Variants in PITPNC1 observed in about 807,000 individuals in gnomAD.
PITPNC1 encodes the protein cytoplasmic phosphatidylinositol transfer protein 1.
In PITPNC1, 18 loss-of-function variants were observed where a neutral mutation model predicts 44.7. The observed-to-expected ratio is 0.40, with a 90% CI of 0.28 to 0.60. The LOEUF is 0.60. Among genes scored for constraint, PITPNC1 ranks in the 20% least tolerant of loss-of-function variants. PITPNC1 has a pLI of 0.39. For synonymous variants in PITPNC1, 141 were observed against 149.6 expected (o/e 0.94, Z 0.42); for missense variants, 290 against 418.4 (o/e 0.69, Z 2.68).
At chr17:67,480,373 T>C (rs997252404) in intron 1 of PITPNC1, among the ~76,000 whole-genome samples, 1 of 152,202 alleles carries the variant, frequency 6.6e-6, no homozygotes, top group East Asian at 1.9e-4. Context: ...AAAAATAATT[T>C]GACAGATATG....
intron 4 of PITPNC1, among the ~76,000 whole-genome samples, chr17:67,572,468 C>CCG (rs1202687420): frequency 1.4e-4 from 7 of 48,918 alleles, no homozygotes; most frequent in Admixed American, 2.7e-4. Context: ...CTGGGTAAAG[C>CCG]GGGGGGGGGG....
At chr17:67,412,146 G>C (rs2038508652) in intron 1 of PITPNC1, among the ~76,000 whole-genome samples, 1 of 152,184 alleles carries the variant, frequency 6.6e-6, no homozygotes, top group South Asian at 2.1e-4. Context: ...ACATGGAAGT[G>C]CCTCACCCCT....
At chr17:67,497,485 A>G (rs929398075) in intron 1 of PITPNC1, among the ~76,000 whole-genome samples, 1 of 130,140 alleles carries the variant, frequency 7.7e-6, no homozygotes, top group Non-Finnish European at 1.6e-5. Context: ...TTTTTTTTCT[A>G]TTACAAGTAA....
intron 1 of PITPNC1, among the ~76,000 whole-genome samples, chr17:67,455,568 C>T (rs1394455255): frequency 2.0e-5 from 3 of 151,932 alleles, no homozygotes; most frequent in Non-Finnish European, 4.4e-5. Context: ...TACAGGTGCG[C>T]ACCACCATGC....
At chr17:67,622,273 AG>A (rs2041841614) in intron 5 of PITPNC1, among the ~76,000 whole-genome samples, 2 of 150,580 alleles carry the variant, frequency 1.3e-5, no homozygotes, top group Admixed American at 6.6e-5. Flanking sequence ...AAAAAAAAAA[AG>A]AAAAGATAGT....
At chr17:67,528,463 CA>C in intron 1 of PITPNC1, among the ~76,000 whole-genome samples, 1 of 152,344 alleles carries the variant, frequency 6.6e-6, no homozygotes, top group East Asian at 1.9e-4. Context: ...GATCAATTCT[CA>C]GGCTTTGGAG....
At chr17:67,386,058 A>T (rs766603562) in intron 1 of PITPNC1, among the ~76,000 whole-genome samples, 1 of 152,214 alleles carries the variant, frequency 6.6e-6, no homozygotes, top group Admixed American at 6.6e-5. Flanking sequence ...TTGAAAGTCA[A>T]TTTAGAAACC....
intron 1 of PITPNC1, among the ~76,000 whole-genome samples, chr17:67,531,613 C>T (rs1005415467): frequency 2.0e-5 from 3 of 152,222 alleles, no homozygotes. Context: ...ACTAACTGCA[C>T]TGTTGACTTG....
intron 1 of PITPNC1, among the ~76,000 whole-genome samples, chr17:67,444,288 G>A (rs948433600): frequency 3.3e-5 from 5 of 152,084 alleles, no homozygotes; most frequent in Non-Finnish European, 2.9e-5. Context: ...ACAATAGGCC[G>A]AGATCACGGG....
At chr17:67,430,230 G>C (rs149679184) in intron 1 of PITPNC1, among the ~76,000 whole-genome samples, 446 of 152,342 alleles carry the variant, frequency 2.9e-3, no homozygotes, top group African/African-American at 0.01. Flanking sequence ...ATGTTGGCTA[G>C]TGTGGTGGCT....
At position 67,597,331 on chromosome 17, in the gene PITPNC1, C is replaced by T. The variant is rs555833260; in HGVS notation, c.366+19074C>T. 6.6e-6 allele frequency among the ~76,000 whole-genome samples: 1 copy of T among 152,166 alleles called. No homozygotes were observed. The highest frequency in any genetic ancestry group is 6.5e-5 in the Admixed American group (1 of 15,280). ...CACTTTGGGAGGCCAAAGTGGGTAT[C>T]TTACTTGAAGTCAGGAATTCGAGAC... On this transcript the variant is annotated intron_variant, in intron 5 of 8. Coordinates refer to ENST00000581322, the MANE Select transcript of PITPNC1 (RefSeq NM_012417.4). The surrounding 1 kb of genome is among the most constrained non-coding windows in gnomAD (Gnocchi z 4.0).
intron 5 of PITPNC1, 36 bp from the exon 6 acceptor site, chr17:67,632,107 A>C (rs377580199): frequency 7.5e-7 from 1 of 1,340,950 alleles, no homozygotes; most frequent in Non-Finnish European, 1.1e-6. Context: ...AACACCTGCT[A>C]TCACTAACCT....
At chr17:67,652,712 T>A (rs2048077555) in intron 6 of PITPNC1, among the ~76,000 whole-genome samples, 1 of 152,182 alleles carries the variant, frequency 6.6e-6, no homozygotes, top group South Asian at 2.1e-4. Context: ...GCAGAGAAGT[T>A]CCACATCCCC....
intron 5 of PITPNC1, among the ~76,000 whole-genome samples, chr17:67,599,463 T>C (rs1209017127): frequency 6.6e-6 from 1 of 152,032 alleles, no homozygotes; most frequent in East Asian, 1.9e-4. Flanking sequence ...TGGGGGAATA[T>C]TGACGTTTAA....
intron 6 of PITPNC1, among the ~76,000 whole-genome samples, chr17:67,664,154 G>A (rs561646112): frequency 1.4e-4 from 21 of 152,030 alleles, no homozygotes; most frequent in Non-Finnish European, 2.9e-4. Flanking sequence ...TAGTAGAGAC[G>A]GGGTTTCACC....
chr17:67,673,808 G>A (rs951464452), intron 7 of PITPNC1, among the ~76,000 whole-genome samples: 16 of 151,426 alleles, frequency 1.1e-4, no homozygotes, highest in Non-Finnish European at 2.2e-4. Context: ...AAAATTAGCC[G>A]GGCATGGTGA....
chr17:67,627,202 G>A (rs554462201), intron 5 of PITPNC1, among the ~76,000 whole-genome samples: 13 of 152,306 alleles, frequency 8.5e-5, no homozygotes, highest in South Asian at 6.2e-4. Context: ...GCAGTGAGCC[G>A]AGATCGTGCC....
chr17:67,401,661 T>C (rs2143821840), intron 1 of PITPNC1, among the ~76,000 whole-genome samples: 1 of 152,110 alleles, frequency 6.6e-6, no homozygotes, highest in South Asian at 2.1e-4. Context: ...CTGGCCAAGA[T>C]GGTGAAACCC....
chr17:67,647,095 A>G (rs1167625802), intron 6 of PITPNC1, among the ~76,000 whole-genome samples: 1 of 152,166 alleles, frequency 6.6e-6, no homozygotes, highest in East Asian at 1.9e-4. Context: ...TTAGGGAAAG[A>G]CTGGTATGTA....
Sources: allele counts gnomAD v4.1 joint callset (sites outside exome capture counted in the v4.1 genomes callset), GRCh38; gene constraint gnomAD v4.1.1; non-coding constraint Gnocchi (gnomAD v3.1); transcripts MANE v1.5; gene names NCBI Gene and HGNC (gene_info 2026-07-23, HGNC 2026-07-21).